CAB39: variants seen among roughly 807,000 people sequenced by gnomAD.
CAB39 encodes the protein calcium binding protein 39, also known as calcium-binding protein 39.
CAB39 carries 8 observed loss-of-function variants against 40.0 expected under a neutral mutation model. The observed-to-expected ratio is 0.20, with a 90% confidence interval of 0.12 to 0.36. CAB39 has a LOEUF of 0.36. CAB39 is among the 10% of genes least tolerant of loss of function. The probability of loss-of-function intolerance (pLI) is 1.00; values close to 1 mark genes in which losing one functional copy is unlikely to be tolerated. For synonymous variants in CAB39, 156 were observed against 141.6 expected, an observed-to-expected ratio of 1.10 and a Z score of -0.72; for missense variants, 270 against 401.1, an observed-to-expected ratio of 0.67 and a Z score of 2.79.
chr2:230,780,675 G>A (rs1285273798), intron 2 of CAB39, among the ~76,000 whole-genome samples: 1 of 152,222 alleles, frequency 6.6e-6, no homozygotes, highest in Admixed American at 6.5e-5. Context: ...CCTTTTCATT[G>A]CATCAGTTCA....
At chr2:230,726,980 T>C (rs990256780) in intron 1 of CAB39, among the ~76,000 whole-genome samples, 6 of 151,128 alleles carry the variant, frequency 4.0e-5, no homozygotes, top group African/African-American at 1.5e-4. Context: ...CTGTCTTTTA[T>C]GGAGGCTTTT....
intron 1 of CAB39, among the ~76,000 whole-genome samples, chr2:230,748,609 C>T (rs2124901511): frequency 6.6e-6 from 1 of 151,592 alleles, no homozygotes; most frequent in South Asian, 2.1e-4. Flanking sequence ...AGTTCGAGAC[C>T]AGCCTGGCCA....
chr2:230,805,552 C>G (rs576377069), intron 5 of CAB39, among the ~76,000 whole-genome samples: 33 of 152,330 alleles, frequency 2.2e-4, no homozygotes, highest in African/African-American at 7.9e-4. Context: ...TAGGTTCACA[C>G]CAGCTCTGCT....
At chr2:230,813,272 A>G (rs1252690899) in intron 6 of CAB39, among the ~76,000 whole-genome samples, 1 of 152,192 alleles carries the variant, frequency 6.6e-6, no homozygotes, top group Non-Finnish European at 1.5e-5. Flanking sequence ...CTCTGCTTTA[A>G]TGGGCTTCTA....
At chr2:230,727,021 G>T (rs944911937) in intron 1 of CAB39, among the ~76,000 whole-genome samples, 26 of 151,578 alleles carry the variant, frequency 1.7e-4, no homozygotes, top group Non-Finnish European at 2.7e-4. Flanking sequence ...GGAATAATAA[G>T]AAATACGGAG....
chr2:230,784,078 A>G (rs751363283), intron 2 of CAB39, among the ~76,000 whole-genome samples: 3 of 152,194 alleles, frequency 2.0e-5, no homozygotes, highest in Non-Finnish European at 4.4e-5. Flanking sequence ...AATCTAGGCA[A>G]GAGTTATGGG....
At position 230,820,964 on chromosome 2, in the gene CAB39, G is replaced by C. The variant is rs934839985; in HGVS notation, c.*2260G>C. 1.3e-5 allele frequency: 2 copies of C among 152,594 alleles called. No homozygotes were observed. The highest frequency in any genetic ancestry group is 2.9e-5 in the Non-Finnish European group (2 of 68,022). 9.5% of individuals were successfully genotyped at this position (152,594 alleles called of 1,614,324 possible). A position where few individuals can be genotyped will look rare whatever the true frequency, so the allele number is the denominator to read the frequency against. On this transcript the variant is annotated 3_prime_UTR_variant, in exon 9 of 9. Coordinates refer to ENST00000258418, the MANE Select transcript of CAB39 (RefSeq NM_016289.4). ...TAAAAAAGTGGAGATGTATACATTT[G>C]TTAACAATGCCATGAAAGCATTTTC...
chr2:230,753,855 G>A (rs982065203), intron 1 of CAB39, among the ~76,000 whole-genome samples: 2 of 151,630 alleles, frequency 1.3e-5, no homozygotes, highest in African/African-American at 2.4e-5. Context: ...CATTTTCTTC[G>A]TGAACTTCAG....
At chr2:230,776,872 T>C (rs915746738) in intron 2 of CAB39, among the ~76,000 whole-genome samples, 3 of 152,036 alleles carry the variant, frequency 2.0e-5, no homozygotes, top group South Asian at 2.1e-4. Context: ...TATTTTTAGT[T>C]GAGACGGGGT....
chr2:230,754,294 C>G (rs79368770), intron 1 of CAB39, among the ~76,000 whole-genome samples: 5,888 of 149,238 alleles, frequency 0.039, 419 homozygotes, highest in African/African-American at 0.14. Context: ...TTTTTTCTTT[C>G]TTCTTTCTTC....
intron 1 of CAB39, among the ~76,000 whole-genome samples, chr2:230,753,543 A>C (rs1695126714): frequency 6.6e-6 from 1 of 152,116 alleles, no homozygotes; most frequent in Non-Finnish European, 1.5e-5. Context: ...TCACGAGGTC[A>C]GGAGTTCAAG....
Position 230,760,007 on chromosome 2 carries a change from G to T in CAB39, c.6G>T (p.Pro2=), listed in dbSNP as rs748968703. 1.9e-6 allele frequency: 3 copies of T among 1,607,712 alleles called. No individual in the cohort carries two copies. The highest frequency in any genetic ancestry group is 3.3e-5 in the Admixed American group (2 of 59,960). The change falls in exon 2 of 9, where the codon CCG becomes CCT. Residue 2 remains proline (P), a synonymous_variant. Transcript: ENST00000258418. Reference sequence around the variant, plus strand: ...AGGCCCCTGCCGCTGCCGTCATGCCGTTCCCGTTTGGGAAGTCTCACAAAT... The same window carrying T: ...AGGCCCCTGCCGCTGCCGTCATGCCTTTCCCGTTTGGGAAGTCTCACAAAT... M[P]FPFGKSHKSP...
intron 7 of CAB39, among the ~76,000 whole-genome samples, chr2:230,817,532 A>AG (rs1198407339): frequency 1.3e-5 from 2 of 152,156 alleles, no homozygotes; most frequent in Non-Finnish European, 2.9e-5. Flanking sequence ...GAGAAGCGTC[A>AG]GGCCTCCCGT....
intron 7 of CAB39, among the ~76,000 whole-genome samples, chr2:230,815,114 G>A (rs1696377716): frequency 6.6e-6 from 1 of 152,220 alleles, no homozygotes; most frequent in Non-Finnish European, 1.5e-5. Context: ...AATACTTTGT[G>A]TCCTTTGATA....
chr2:230,762,341 A>G (rs1254587583), intron 2 of CAB39, among the ~76,000 whole-genome samples: 1 of 152,216 alleles, frequency 6.6e-6, no homozygotes, highest in Non-Finnish European at 1.5e-5. Context: ...GGGACTTTTG[A>G]CTGAACCACA....
At chr2:230,810,132 A>G in intron 5 of CAB39, 131 bp from the exon 6 acceptor site, 1 of 549,672 alleles carries the variant, frequency 1.8e-6, no homozygotes, top group East Asian at 3.4e-5. Context: ...TTTTAATACA[A>G]TTCATGCTAA....
intron 8 of CAB39, chr2:230,818,113 A>G: frequency 1.9e-6 from 1 of 521,614 alleles, no homozygotes; most frequent in Admixed American, 3.8e-5. Context: ...TTGTTCATAG[A>G]AGAGTGTCAT....
chr2:230,788,244 C>T (rs1156284954), intron 2 of CAB39, among the ~76,000 whole-genome samples: 3 of 141,100 alleles, frequency 2.1e-5, no homozygotes, highest in Admixed American at 7.0e-5. Flanking sequence ...TTTTGTTTTT[C>T]GGTTTTTTTT....
chr2:230,814,329 A>G (rs1181291583), intron 7 of CAB39, among the ~76,000 whole-genome samples: 1 of 152,030 alleles, frequency 6.6e-6, no homozygotes, highest in Non-Finnish European at 1.5e-5. Flanking sequence ...ACAGAAAGGG[A>G]ATGAACGGGA....
Sources: allele counts gnomAD v4.1 joint callset (sites outside exome capture counted in the v4.1 genomes callset), GRCh38; gene constraint gnomAD v4.1.1; transcripts MANE v1.5; gene names NCBI Gene and HGNC (gene_info 2026-07-23, HGNC 2026-07-21).